BMPR1A: variants seen among roughly 807,000 people sequenced by gnomAD.
BMPR1A encodes the protein bone morphogenetic protein receptor type-1A.
Under a neutral mutation model 66.0 loss-of-function variants are expected in BMPR1A, and 7 were observed. That is an observed-to-expected ratio of 0.11 (90% CI 0.06 to 0.20). The LOEUF (loss-of-function observed/expected upper bound fraction) is 0.20. Ranked by LOEUF, BMPR1A falls within the 10% of genes least tolerant of loss-of-function variation. The pLI is 1.00. For synonymous variants in BMPR1A, 200 were observed against 229.7 expected (o/e 0.87, Z 1.17); for missense variants, 408 against 669.1 (o/e 0.61, Z 4.31).
At position 86,836,046 on chromosome 10, in the gene BMPR1A, A is replaced by G. The variant is rs1842341681; in HGVS notation, c.-267-2819A>G. 1.3e-5 allele frequency among the ~76,000 whole-genome samples: 2 copies of G among 152,342 alleles called. 1 individual carries two copies. Among genetic ancestry groups the G allele is most frequent in the South Asian group, 4.1e-4 (2 of 4,824 alleles). Reference sequence around the variant, plus strand: ...GCCTTCTTTTTAATGTGTTTTCTACAACTAATAGGCTTAGAAATTTCAGAC... The same window carrying G: ...GCCTTCTTTTTAATGTGTTTTCTACGACTAATAGGCTTAGAAATTTCAGAC... On this transcript the variant is annotated intron_variant, in intron 1 of 12. Coordinates refer to ENST00000372037, the MANE Select transcript of BMPR1A (RefSeq NM_004329.3).
At chr10:86,912,170 C>G in intron 7 of BMPR1A, 70 bp from the exon 8 acceptor site, 10 of 1,537,094 alleles carry the variant, frequency 6.5e-6, no homozygotes, top group Non-Finnish European at 7.1e-6. Flanking sequence ...GTATAGAGAA[C>G]CTCAAGGTTT....
intron 1 of BMPR1A, among the ~76,000 whole-genome samples, chr10:86,796,255 T>A (rs1209965114): frequency 6.6e-6 from 1 of 152,142 alleles, no homozygotes; most frequent in Non-Finnish European, 1.5e-5. Flanking sequence ...ATTTCATAAA[T>A]ATGTATTTAT....
chr10:86,769,183 T>C (rs569947381), intron 1 of BMPR1A, among the ~76,000 whole-genome samples: 1 of 152,324 alleles, frequency 6.6e-6, no homozygotes, highest in Admixed American at 6.5e-5. Context: ...TTGTTGCTTT[T>C]CCTGCTTTGT....
intron 2 of BMPR1A, chr10:86,855,689 A>G: frequency 1.4e-6 from 1 of 721,632 alleles, no homozygotes; most frequent in Non-Finnish European, 2.5e-6. Context: ...CTGCTCAGTG[A>G]CATCCACTAC....
rs59473306 is a variant in BMPR1A, at chr10:86,763,614, CAAGTACCA to C, written c.-268+6699_-268+6706del. On this transcript the variant is annotated intron_variant, in intron 1 of 12. Coordinates refer to ENST00000372037, the MANE Select transcript of BMPR1A (RefSeq NM_004329.3). ...ATCACGCCAGCCTTGGCAGTCCTTG[CAAGTACCA>C]AAGGGAGTATGGCTTATGCCTGCGG... 0.082 allele frequency among the ~76,000 whole-genome samples: 12,537 copies of C among 152,156 alleles called. 985 individuals carry two copies. Among genetic ancestry groups the C allele is most frequent in the African/African-American group, 0.21 (8,529 of 41,458 alleles).
At chr10:86,907,872 ATACAAT>A (rs1412638304) in intron 7 of BMPR1A, among the ~76,000 whole-genome samples, 1 of 152,220 alleles carries the variant, frequency 6.6e-6, no homozygotes, top group Non-Finnish European at 1.5e-5. Context: ...GGGCACAAAA[ATACAAT>A]TACTAATAGA....
intron 1 of BMPR1A, among the ~76,000 whole-genome samples, chr10:86,830,633 A>G (rs746396008): frequency 1.3e-5 from 2 of 152,108 alleles, no homozygotes; most frequent in South Asian, 2.1e-4. Flanking sequence ...ATCCTCTTCA[A>G]TAAAATGTCT....
rs149955047 is a variant in BMPR1A at position 86,909,403 on chromosome 10, G to A, written c.531-2837G>A. Among the ~76,000 whole-genome samples, 18 of 151,994 alleles carry A rather than the reference G, an allele frequency of 1.2e-4. No individual in the cohort carries two copies. In the East Asian group the frequency reaches 3.1e-3, roughly 26 times the overall value. Reference sequence around the variant, plus strand: ...AGGCCAGAAGTTCGAGACCAGCGTGGCCAACTAGCGGAACCTTAACTCTAC... The same window carrying A: ...AGGCCAGAAGTTCGAGACCAGCGTGACCAACTAGCGGAACCTTAACTCTAC... On this transcript the variant is annotated intron_variant, in intron 7 of 12. Transcript: ENST00000372037.
intron 5 of BMPR1A, among the ~76,000 whole-genome samples, chr10:86,898,208 T>C (rs1843254323): frequency 6.6e-6 from 1 of 152,002 alleles, no homozygotes; most frequent in African/African-American, 2.4e-5. Context: ...GTTTAAAGTC[T>C]ACTTTCTTTC....
intron 1 of BMPR1A, among the ~76,000 whole-genome samples, chr10:86,774,964 C>T (rs942523045): frequency 1.3e-5 from 2 of 152,166 alleles, no homozygotes; most frequent in African/African-American, 2.4e-5. Flanking sequence ...GCAAACCCAA[C>T]GGGTAAAATA....
chr10:86,773,478 A>G (rs961935847), intron 1 of BMPR1A, among the ~76,000 whole-genome samples: 1 of 151,858 alleles, frequency 6.6e-6, no homozygotes, highest in East Asian at 1.9e-4. Flanking sequence ...CTGTAATCCC[A>G]GCTACTTGGG....
chr10:86,879,032 TA>T (rs899600644), intron 3 of BMPR1A, among the ~76,000 whole-genome samples: 1 of 152,046 alleles, frequency 6.6e-6, no homozygotes, highest in Admixed American at 6.5e-5. Flanking sequence ...TTTATTTTTT[TA>T]AAAAAAAGTT....
intron 2 of BMPR1A, among the ~76,000 whole-genome samples, chr10:86,873,841 C>T (rs1043319013): frequency 2.0e-5 from 3 of 152,126 alleles, no homozygotes; most frequent in Non-Finnish European, 4.4e-5. Context: ...CTTTTTCTCT[C>T]AGCATTATGT....
intron 1 of BMPR1A, among the ~76,000 whole-genome samples, chr10:86,795,888 AATTGAT>A (rs1451084526): frequency 6.6e-6 from 1 of 152,298 alleles, no homozygotes; most frequent in East Asian, 1.9e-4. Context: ...ATTTATCTCA[AATTGAT>A]ATTGAGTTAA....
chr10:86,763,844 T>C (rs998585889), intron 1 of BMPR1A, among the ~76,000 whole-genome samples: 7 of 141,688 alleles, frequency 4.9e-5, no homozygotes, highest in African/African-American at 1.9e-4. Context: ...CAGGCTGGAG[T>C]GCAGTGGCGC....
chr10:86,894,074 C>T (rs1395723375), intron 5 of BMPR1A, among the ~76,000 whole-genome samples: 1 of 152,210 alleles, frequency 6.6e-6, no homozygotes, highest in Non-Finnish European at 1.5e-5. Flanking sequence ...ATTCAGTCTC[C>T]ACTTCCTCAG....
At chr10:86,759,660 T>C (rs1421660603) in intron 1 of BMPR1A, among the ~76,000 whole-genome samples, 1 of 152,210 alleles carries the variant, frequency 6.6e-6, no homozygotes, top group African/African-American at 2.4e-5. Context: ...TGAATTCATA[T>C]TGGTGTGAAG....
chr10:86,901,714 T>G (rs1455283911), intron 7 of BMPR1A, among the ~76,000 whole-genome samples: 2 of 152,182 alleles, frequency 1.3e-5, no homozygotes, highest in African/African-American at 4.8e-5. Flanking sequence ...TATTTTAAGC[T>G]CAAAGTCCCT....
rs946256998 is a variant in BMPR1A at position 86,831,995 on chromosome 10, C to T, written c.-267-6870C>T. ...CAAGTTTTTTGTAAAGATGATATAC[C>T]TATAAGTAGGTAATCATGGTTCACT... is the stretch of plus-strand genomic sequence containing the variant. On this transcript the variant is annotated intron_variant, in intron 1 of 12. Coordinates refer to ENST00000372037, the MANE Select transcript of BMPR1A (RefSeq NM_004329.3). Among the ~76,000 whole-genome samples the T allele has an allele frequency of 5.3e-5, 8 of 152,132 alleles. No homozygotes were observed. In the South Asian group the frequency reaches 1.0e-3, roughly 20 times the overall value.
Sources: allele counts gnomAD v4.1 joint callset (sites outside exome capture counted in the v4.1 genomes callset), GRCh38; gene constraint gnomAD v4.1.1; transcripts MANE v1.5; gene names NCBI Gene and HGNC (gene_info 2026-07-23, HGNC 2026-07-21).